MATR3: variants seen among roughly 807,000 people sequenced by gnomAD.
The protein encoded by MATR3 is matrin 3, also known as matrin-3.
A neutral mutation model predicts 85.5 loss-of-function variants in MATR3; 4 were observed. The observed-to-expected ratio is 0.05, with a 90% confidence interval of 0.02 to 0.11. MATR3 has a LOEUF of 0.11. MATR3 is among the 10% of genes least tolerant of loss of function. The probability of loss-of-function intolerance (pLI) is 1.00; values close to 1 mark genes in which losing one functional copy is unlikely to be tolerated. For synonymous variants in MATR3, 336 were observed against 343.1 expected (o/e 0.98, Z 0.23); for missense variants, 685 against 1,016.1 (o/e 0.67, Z 4.43).
chr5:139,320,031 A>G (rs998166593), intron 9 of MATR3, among the ~76,000 whole-genome samples: 9 of 147,258 alleles, frequency 6.1e-5, no homozygotes, highest in Non-Finnish European at 1.3e-4. Flanking sequence ...AGAGTTAGCC[A>G]GTCGCAGTGG....
upstream of MATR3, among the ~76,000 whole-genome samples, chr5:139,291,689 C>A (rs376392486): frequency 6.6e-6 from 1 of 152,110 alleles, no homozygotes; most frequent in Admixed American, 6.5e-5. Context: ...CTGGTATGCA[C>A]CACCATGCCC....
upstream of MATR3, among the ~76,000 whole-genome samples, chr5:139,289,138 C>T (rs565126845): frequency 6.6e-6 from 1 of 152,240 alleles, no homozygotes; most frequent in Non-Finnish European, 1.5e-5. Context: ...CTTTTCCAAG[C>T]CTGTCAAATG....
intron 1 of MATR3, among the ~76,000 whole-genome samples, chr5:139,304,438 T>A (rs1754606997): frequency 6.6e-6 from 1 of 151,380 alleles, no homozygotes; most frequent in Non-Finnish European, 1.5e-5. Flanking sequence ...AGGCAGAGGT[T>A]GCAGTGAGCT....
chr5:139,310,343 T>A (rs1466135181), intron 2 of MATR3: 1 of 152,240 alleles, frequency 6.6e-6, no homozygotes, highest in East Asian at 1.9e-4. Flanking sequence ...TTTTGTTTAA[T>A]TCTGTGGTTT....
chr5:139,315,874 G>T (rs899470992), intron 4 of MATR3, 136 bp downstream of exon 4: 1 of 843,024 alleles, frequency 1.2e-6, no homozygotes, highest in Non-Finnish European at 1.9e-6. Flanking sequence ...AATTCACTTT[G>T]GTTAACAATT....
chr5:139,291,851 T>C (rs1223346351), upstream of MATR3: 2 of 152,158 alleles, frequency 1.3e-5, no homozygotes, highest in Non-Finnish European at 2.9e-5. Context: ...GTAACTTCAT[T>C]TTTATGGCTA....
intron 1 of MATR3, among the ~76,000 whole-genome samples, chr5:139,301,854 A>G (rs1408809434): frequency 7.2e-5 from 11 of 152,168 alleles, no homozygotes; most frequent in African/African-American, 2.7e-4. Context: ...AGAAGACAGT[A>G]TTATTCCAGG....
intron 5 of MATR3, 146 bp from the exon 6 acceptor site, chr5:139,316,907 G>GA: frequency 5.6e-6 from 4 of 712,128 alleles, no homozygotes; most frequent in South Asian, 3.1e-5. Context: ...ATATTACACA[G>GA]AAAAAACATT....
intron 1 of MATR3, among the ~76,000 whole-genome samples, chr5:139,275,724 T>A (rs2151846446): frequency 6.6e-6 from 1 of 152,268 alleles, no homozygotes; most frequent in Non-Finnish European, 1.5e-5. Context: ...GAGAATCACT[T>A]GAGCCCAGGA....
chr5:139,290,438 C>CT (rs762364450), upstream of MATR3, among the ~76,000 whole-genome samples: 354 of 44,948 alleles, frequency 7.9e-3, 76 homozygotes, highest in African/African-American at 0.028. Flanking sequence ...CCTGGCCGCT[C>CT]TTTTTTTTTT....
At chr5:139,325,311 A>C (rs529327792) in intron 12 of MATR3, 129 bp from the exon 13 acceptor site, 3 of 1,561,992 alleles carry the variant, frequency 1.9e-6, no homozygotes, top group Non-Finnish European at 2.6e-6. Flanking sequence ...TTTTCCAGGG[A>C]GTATGGAAGG....
At chr5:139,319,209 G>T in intron 8 of MATR3, 125 bp from the exon 9 acceptor site, 3 of 1,294,434 alleles carry the variant, frequency 2.3e-6, no homozygotes, top group South Asian at 2.5e-5. Context: ...TTCCAGGCAA[G>T]CCTGGGCAAC....
intron 9 of MATR3, among the ~76,000 whole-genome samples, chr5:139,321,130 A>T (rs1359804915): frequency 6.6e-6 from 1 of 151,600 alleles, no homozygotes; most frequent in East Asian, 1.9e-4. Flanking sequence ...GGATTTTGTA[A>T]ATCTGACAGG....
chr5:139,324,844 A>G (rs1196589970), intron 12 of MATR3, among the ~76,000 whole-genome samples: 2 of 152,182 alleles, frequency 1.3e-5, no homozygotes, highest in African/African-American at 4.8e-5. Context: ...TTTTCAAATT[A>G]TCAGTAATTT....
chr5:139,319,995 T>C (rs1324043509), intron 9 of MATR3, among the ~76,000 whole-genome samples: 1 of 148,342 alleles, frequency 6.7e-6, no homozygotes, highest in Admixed American at 6.7e-5. Flanking sequence ...TATTTCATAC[T>C]TTTTTTTCTT....
In MATR3 at chr5:139,329,618, A is replaced by G. The variant is rs1209943899; in HGVS notation, c.*223A>G. 3 of 544,838 alleles carry G rather than the reference A, an allele frequency of 5.5e-6. No homozygotes were observed. Among genetic ancestry groups the G allele is most frequent in the Non-Finnish European group, 1.0e-5 (3 of 287,716 alleles). The allele number at this position is 544,838 out of a possible 1,614,324, so 33.8% of individuals were successfully genotyped here. On this transcript the variant is annotated 3_prime_UTR_variant, in exon 15 of 15. Coordinates refer to ENST00000394805, the MANE Select transcript of MATR3 (RefSeq NM_018834.6). Reference sequence around the variant, plus strand: ...TTTTGTTTTATCAGAATGGCAACAGACAGAAGTACTTTGTAGAGATTGACT... The same window carrying G: ...TTTTGTTTTATCAGAATGGCAACAGGCAGAAGTACTTTGTAGAGATTGACT...
chr5:139,305,927 A>G (rs370270153), intron 1 of MATR3, among the ~76,000 whole-genome samples: 1 of 152,078 alleles, frequency 6.6e-6, no homozygotes, highest in African/African-American at 2.4e-5. Flanking sequence ...GCTTTAATCT[A>G]TCATTGGTGA....
chr5:139,281,951 G>A (rs926176613), intron 3 of MATR3, among the ~76,000 whole-genome samples: 8 of 152,126 alleles, frequency 5.3e-5, no homozygotes, highest in African/African-American at 1.9e-4. Context: ...TCACTTGCTG[G>A]GTTGAAACAA....
At chr5:139,299,658 G>T (rs1426272915) in intron 1 of MATR3, among the ~76,000 whole-genome samples, 1 of 152,186 alleles carries the variant, frequency 6.6e-6, no homozygotes, top group Non-Finnish European at 1.5e-5. Flanking sequence ...ACCCTGTCTT[G>T]AAAAAGGAAA....
Sources: allele counts gnomAD v4.1 joint callset (sites outside exome capture counted in the v4.1 genomes callset), GRCh38; gene constraint gnomAD v4.1.1; transcripts MANE v1.5; gene names NCBI Gene and HGNC (gene_info 2026-07-23, HGNC 2026-07-21).